The following SPAG16 variants were observed in gnomAD, a reference collection of about 807,000 sequenced individuals.
SPAG16 encodes sperm associated antigen 16.
A neutral mutation model predicts 80.4 loss-of-function variants in SPAG16; 86 were observed. The ratio of observed to expected loss-of-function variants is 1.07; its 90% CI spans 0.90 to 1.28. The LOEUF (loss-of-function observed/expected upper bound fraction) is 1.28, where lower values mean the gene tolerates loss of function less well. Ranked by LOEUF, SPAG16 falls within the 50% of genes most tolerant of loss-of-function variation. The pLI is 0.00. For missense variants in SPAG16, 870 were observed against 765.3 expected (o/e 1.14, Z -1.61); for synonymous variants, 294 against 265.9 (o/e 1.11, Z -1.03).
chr2:213,685,293 C>T (rs1033752600), intron 10 of SPAG16, among the ~76,000 whole-genome samples: 14 of 152,166 alleles, frequency 9.2e-5, no homozygotes, highest in South Asian at 2.1e-4. Flanking sequence ...TCCAATATGA[C>T]GCGTGTTCTT....
intron 11 of SPAG16, among the ~76,000 whole-genome samples, chr2:213,863,249 C>T (rs1018938847): frequency 2.0e-5 from 3 of 152,076 alleles, no homozygotes; most frequent in Admixed American, 6.5e-5. Context: ...GTTTTCTGCT[C>T]ATCATACTTC....
intron 9 of SPAG16, among the ~76,000 whole-genome samples, chr2:213,412,405 A>G (rs1210159928): frequency 5.3e-5 from 8 of 152,174 alleles, no homozygotes; most frequent in Admixed American, 5.2e-4. Flanking sequence ...GCACCTTTCT[A>G]TATAGAAGTA....
intron 15 of SPAG16, among the ~76,000 whole-genome samples, chr2:214,355,425 T>C (rs1241295586): frequency 4.8e-5 from 7 of 144,874 alleles, no homozygotes; most frequent in Non-Finnish European, 9.2e-5. Flanking sequence ...TGAAAAAATG[T>C]TCACCATCAC....
intron 10 of SPAG16, among the ~76,000 whole-genome samples, chr2:213,811,000 T>C (rs1183843586): frequency 2.0e-5 from 3 of 152,172 alleles, no homozygotes; most frequent in African/African-American, 4.8e-5. Context: ...GTGTGGAATG[T>C]GGAAAACAAG....
In SPAG16 at chr2:213,784,626, T is replaced by TAA. The variant is rs71063777; in HGVS notation, c.1071-77833_1071-77832dup. ...AAAATAAATGCACAGCAATTATTTC[T>TAA]AAAAAAAAAAAAAAAAAAAAAAAAA... On this transcript the variant is annotated intron_variant, in intron 10 of 15. Transcript: ENST00000331683. Among the ~76,000 whole-genome samples the TAA allele has an allele frequency of 1.4e-3, 69 of 47,934 alleles. 3 individuals carry two copies. Among genetic ancestry groups the TAA allele is most frequent in the African/African-American group, 4.5e-3 (64 of 14,290 alleles). The allele number at this position is 47,934 out of a possible 152,430, so 31.4% of individuals were successfully genotyped here.
intron 15 of SPAG16, among the ~76,000 whole-genome samples, chr2:214,228,814 A>G (rs1023280082): frequency 6.6e-6 from 1 of 151,942 alleles, no homozygotes; most frequent in Admixed American, 6.6e-5. Context: ...TTATCACAAT[A>G]TTTAACAAAT....
intron 15 of SPAG16, among the ~76,000 whole-genome samples, chr2:214,376,647 G>A (rs567623118): frequency 2.0e-5 from 3 of 152,242 alleles, no homozygotes; most frequent in African/African-American, 7.2e-5. Flanking sequence ...GCCTAACCAA[G>A]CATTTAGGGT....
At chr2:214,254,214 A>G in intron 15 of SPAG16, among the ~76,000 whole-genome samples, 1 of 152,132 alleles carries the variant, frequency 6.6e-6, no homozygotes, top group Non-Finnish European at 1.5e-5. Context: ...CTAAATATAC[A>G]ATCATGTCAT....
chr2:213,673,976 A>G (rs558155912), intron 10 of SPAG16, among the ~76,000 whole-genome samples: 1 of 152,276 alleles, frequency 6.6e-6, no homozygotes, highest in South Asian at 2.1e-4. Flanking sequence ...AGTGTCATTT[A>G]TAAATAAAGT....
At chr2:213,618,872 C>G (rs2061683869) in intron 10 of SPAG16, among the ~76,000 whole-genome samples, 1 of 151,952 alleles carries the variant, frequency 6.6e-6, no homozygotes, top group South Asian at 2.1e-4. Flanking sequence ...CCCTGCTTTT[C>G]TTTTAGTAAG....
rs572653801 is a variant in SPAG16 at position 213,364,304 on chromosome 2, A to C, written c.832+159A>C. ...AAGATTAAGAAGAAATATAGATATC[A>C]TACTGTATGGATTAATTATAGAGAA... On this transcript the variant is annotated intron_variant, in intron 8 of 15. Transcript: ENST00000331683. The C allele has an allele frequency of 1.1e-5, 4 of 367,900 alleles. No homozygotes were observed. In the South Asian group the frequency reaches 2.8e-4, roughly 26 times the overall value. 22.8% of individuals were successfully genotyped at this position (367,900 alleles called of 1,614,324 possible).
intron 10 of SPAG16, among the ~76,000 whole-genome samples, chr2:213,784,745 A>ATGGAG (rs1159846777): frequency 6.6e-6 from 1 of 151,476 alleles, no homozygotes; most frequent in African/African-American, 2.4e-5. Flanking sequence ...CATGTCCTAA[A>ATGGAG]GTTCTTACAC....
At chr2:213,858,759 T>G (rs993440174) in intron 10 of SPAG16, among the ~76,000 whole-genome samples, 1 of 152,170 alleles carries the variant, frequency 6.6e-6, no homozygotes, top group Non-Finnish European at 1.5e-5. Context: ...GATTCAGAGG[T>G]AAACAGAATG....
At chr2:213,550,999 A>T (rs1013764698) in intron 10 of SPAG16, among the ~76,000 whole-genome samples, 1 of 152,126 alleles carries the variant, frequency 6.6e-6, no homozygotes, top group African/African-American at 2.4e-5. Flanking sequence ...TAATTGAGAG[A>T]TAGCTCATGA....
At position 213,593,746 on chromosome 2, in the gene SPAG16, C is replaced by CTTTTTTTT. The variant is rs541949006; in HGVS notation, c.1070+103695_1070+103702dup. On this transcript the variant is annotated intron_variant, in intron 10 of 15. Coordinates refer to ENST00000331683, the MANE Select transcript of SPAG16 (RefSeq NM_024532.5). ...TCATACCCCATCATCCCCACCACAT[C>CTTTTTTTT]TTTTTTTTTTTTTTTTTTTTTTTTT... 2.0e-4 allele frequency among the ~76,000 whole-genome samples: 10 copies of CTTTTTTTT among 50,192 alleles called. 3 individuals are homozygous for CTTTTTTTT. Among genetic ancestry groups the CTTTTTTTT allele is most frequent in the East Asian group, 1.4e-3 (2 of 1,438 alleles). 32.9% of individuals were successfully genotyped at this position (50,192 alleles called of 152,430 possible). A position where few individuals can be genotyped will look rare whatever the true frequency, so the allele number is the denominator to read the frequency against.
chr2:213,806,952 G>A lies in SPAG16; in HGVS notation c.1071-55533G>A, dbSNP rs76831435. Among the ~76,000 whole-genome samples the A allele has an allele frequency of 8.9e-3, 1,348 of 152,116 alleles. 24 individuals are homozygous for A. The highest frequency in any genetic ancestry group is 0.029 in the African/African-American group (1,216 of 41,512). On this transcript the variant is annotated intron_variant, in intron 10 of 15. Coordinates refer to ENST00000331683, the MANE Select transcript of SPAG16 (RefSeq NM_024532.5). ...ATTAATGCGTGTTTTCAAAGATCAC[G>A]GATACATTAGCTGTTTTCCATATCA...
intron 15 of SPAG16, among the ~76,000 whole-genome samples, chr2:214,399,499 C>A (rs1298836158): frequency 6.6e-6 from 1 of 151,996 alleles, no homozygotes; most frequent in Non-Finnish European, 1.5e-5. Flanking sequence ...TCCCCACAGA[C>A]AAACCTCCAC....
chr2:213,991,578 C>T (rs928467531), intron 12 of SPAG16, among the ~76,000 whole-genome samples: 10 of 152,126 alleles, frequency 6.6e-5, no homozygotes, highest in Admixed American at 2.6e-4. Context: ...CCTGGACCCC[C>T]GCACTTGTCC....
At chr2:214,243,843 C>G (rs1022163436) in intron 15 of SPAG16, among the ~76,000 whole-genome samples, 2 of 152,052 alleles carry the variant, frequency 1.3e-5, no homozygotes, top group Non-Finnish European at 2.9e-5. Context: ...CTACCCATAG[C>G]CCTTCTCTGA....
Sources: gnomAD v4.1 joint callset for allele counts (sites outside exome capture counted in the v4.1 genomes callset) on GRCh38, gnomAD v4.1.1 for gene constraint, MANE v1.5 for transcripts, NCBI Gene and HGNC (gene_info 2026-07-23, HGNC 2026-07-21) for gene names.